Variants in EYS observed in about 807,000 individuals in gnomAD.
EYS encodes EGF-like photoreceptor maintenance factor.
In EYS, 250 loss-of-function variants were observed where a neutral mutation model predicts 282.1. That is an observed-to-expected ratio of 0.89 (90% CI 0.80 to 0.98). The LOEUF (loss-of-function observed/expected upper bound fraction) is 0.98. Among genes scored for constraint, EYS ranks in the 50% least tolerant of loss-of-function variants. The probability of loss-of-function intolerance (pLI) is 0.00; values close to 1 mark genes in which losing one functional copy is unlikely to be tolerated. For missense variants in EYS, 4,016 were observed against 3,709.0 expected (o/e 1.08, Z -2.15); for synonymous variants, 1,355 against 1,282.9 (o/e 1.06, Z -1.20).
intron 33 of EYS, among the ~76,000 whole-genome samples, chr6:64,053,514 CTT>C (rs1770881901): frequency 6.6e-6 from 1 of 152,110 alleles, no homozygotes; most frequent in Admixed American, 6.6e-5. Context: ...AATTTCTTGA[CTT>C]TGAAAACTTC....
intron 31 of EYS, among the ~76,000 whole-genome samples, chr6:64,121,244 C>A (rs1238349434): frequency 2.0e-5 from 3 of 152,184 alleles, no homozygotes; most frequent in Non-Finnish European, 4.4e-5. Flanking sequence ...TTAACCTAAT[C>A]AAGGAATAAC....
At chr6:63,818,869 T>G (rs1311268405) in intron 36 of EYS, among the ~76,000 whole-genome samples, 1 of 152,180 alleles carries the variant, frequency 6.6e-6, no homozygotes, top group Non-Finnish European at 1.5e-5. Context: ...CTTCTCCCAT[T>G]TGAAGCTGTA....
chr6:64,312,627 C>T (rs6901387), intron 29 of EYS, among the ~76,000 whole-genome samples: 7 of 152,002 alleles, frequency 4.6e-5, no homozygotes, highest in Non-Finnish European at 8.8e-5. Flanking sequence ...CTCATATAGG[C>T]GAGCTCTGGC....
At chr6:63,849,962 T>C (rs1400741615) in intron 36 of EYS, among the ~76,000 whole-genome samples, 1 of 152,064 alleles carries the variant, frequency 6.6e-6, no homozygotes, top group African/African-American at 2.4e-5. Context: ...CTAGAATAAC[T>C]AGTTTAGAGA....
At chr6:63,734,555 CAG>C (rs1768862527) in intron 41 of EYS, among the ~76,000 whole-genome samples, 1 of 152,030 alleles carries the variant, frequency 6.6e-6, no homozygotes, top group Non-Finnish European at 1.5e-5. Flanking sequence ...TGGCTTGTAT[CAG>C]AGAAGTAGCA....
intron 5 of EYS, among the ~76,000 whole-genome samples, chr6:65,408,167 G>A (rs1766835866): frequency 1.3e-5 from 2 of 151,996 alleles, no homozygotes; most frequent in Admixed American, 1.3e-4. Context: ...AAAAAAATAT[G>A]TTTATATGTG....
chr6:64,776,791 C>T (rs932832519), intron 22 of EYS, among the ~76,000 whole-genome samples: 5 of 152,110 alleles, frequency 3.3e-5, no homozygotes, highest in Admixed American at 2.0e-4. Flanking sequence ...TTGACACTTG[C>T]TGAAAATTTT....
intron 22 of EYS, among the ~76,000 whole-genome samples, chr6:64,675,258 A>G: frequency 6.6e-6 from 1 of 152,054 alleles, no homozygotes. Flanking sequence ...ATCTTCTATC[A>G]TGTACCATCT....
At chr6:64,659,673 A>G (rs563766443) in intron 22 of EYS, among the ~76,000 whole-genome samples, 1 of 152,294 alleles carries the variant, frequency 6.6e-6, no homozygotes, top group Non-Finnish European at 1.5e-5. Context: ...ACACCCTCCC[A>G]AGACTAAACC....
rs544401194 is a variant in EYS at position 64,215,687 on chromosome 6, A to AT, written c.6424+14904dup. The stretch of plus-strand genomic sequence containing the variant: ...TTTTAAAATGTAATAAAAATGTTTA[A>AT]TTTTTTTTCTATATCCCAGATGCTA... On this transcript the variant is annotated intron_variant, in intron 31 of 42. Coordinates refer to ENST00000503581, the MANE Select transcript of EYS (RefSeq NM_001142800.2). Among the ~76,000 whole-genome samples, 1,311 of 152,158 alleles carry AT rather than the reference A, an allele frequency of 8.6e-3. 27 individuals carry two copies. The highest frequency in any genetic ancestry group is 0.029 in the African/African-American group (1,201 of 41,520).
At chr6:64,467,848 C>T (rs1181407520) in intron 26 of EYS, among the ~76,000 whole-genome samples, 7 of 152,166 alleles carry the variant, frequency 4.6e-5, no homozygotes. Flanking sequence ...CTTGCCACTG[C>T]CACTGCTGGC....
intron 33 of EYS, among the ~76,000 whole-genome samples, chr6:64,065,520 T>C (rs1003783734): frequency 6.6e-6 from 1 of 152,202 alleles, no homozygotes; most frequent in Non-Finnish European, 1.5e-5. Flanking sequence ...GAAGCATAAA[T>C]GAATTCAAAG....
At chr6:64,054,819 A>C (rs1019130875) in intron 33 of EYS, among the ~76,000 whole-genome samples, 1 of 152,198 alleles carries the variant, frequency 6.6e-6, no homozygotes, top group Non-Finnish European at 1.5e-5. Context: ...ATAGTGTATA[A>C]AAATATTTCA....
chr6:64,464,908 T>C (rs892122330), intron 26 of EYS, among the ~76,000 whole-genome samples: 1 of 151,690 alleles, frequency 6.6e-6, no homozygotes, highest in African/African-American at 2.4e-5. Context: ...GGAAAACAAA[T>C]CTTTAAAGAA....
intron 12 of EYS, among the ~76,000 whole-genome samples, chr6:65,071,566 C>T (rs1347624728): frequency 6.6e-6 from 1 of 151,670 alleles, no homozygotes; most frequent in African/African-American, 2.4e-5. Context: ...ATGGTATCCC[C>T]ATGAATACAT....
chr6:64,236,182 C>T (rs1766600040), intron 30 of EYS, among the ~76,000 whole-genome samples: 1 of 152,122 alleles, frequency 6.6e-6, no homozygotes, highest in Non-Finnish European at 1.5e-5. Flanking sequence ...ACCATGTTAG[C>T]CAGGATGGTC....
chr6:64,311,085 T>C (rs1769681573), intron 29 of EYS, among the ~76,000 whole-genome samples: 1 of 152,016 alleles, frequency 6.6e-6, no homozygotes, highest in Non-Finnish European at 1.5e-5. Context: ...ATAAAGCATA[T>C]ATTAACATTT....
chr6:64,518,615 T>C (rs558157897), intron 26 of EYS, among the ~76,000 whole-genome samples: 1 of 151,780 alleles, frequency 6.6e-6, no homozygotes, highest in South Asian at 2.1e-4. Context: ...GGGAATGATA[T>C]GGTTTGGCTG....
intron 22 of EYS, among the ~76,000 whole-genome samples, chr6:64,746,688 A>G (rs372291289): frequency 6.2e-4 from 95 of 152,310 alleles, no homozygotes; most frequent in African/African-American, 2.3e-3. Context: ...TGGCTCCACC[A>G]CAAGGTCTAT....
Sources: allele counts gnomAD v4.1 joint callset (sites outside exome capture counted in the v4.1 genomes callset), GRCh38; gene constraint gnomAD v4.1.1; transcripts MANE v1.5; gene names NCBI Gene and HGNC (gene_info 2026-07-23, HGNC 2026-07-21).